The following SRSF11 variants were observed in gnomAD, a reference collection of about 807,000 sequenced individuals.
SRSF11 encodes serine/arginine-rich splicing factor 11.
SRSF11 carries 9 observed loss-of-function variants against 56.0 expected under a neutral mutation model. The ratio of observed to expected loss-of-function variants is 0.16; its 90% CI spans 0.10 to 0.28. The LOEUF is 0.28. Ranked by LOEUF, SRSF11 falls within the 10% of genes least tolerant of loss-of-function variation. The pLI is 1.00. For missense variants in SRSF11, 421 were observed against 600.7 expected (o/e 0.70, Z 3.13); for synonymous variants, 222 against 215.3 (o/e 1.03, Z -0.27).
At chr1:70,218,012 C>T (rs962864806), upstream of SRSF11, among the ~76,000 whole-genome samples, 3 of 151,704 alleles carry the variant, frequency 2.0e-5, no homozygotes, top group Non-Finnish European at 4.4e-5. Context: ...TTTTTTGAGA[C>T]GGAGTCTTGC....
chr1:70,210,743 GCT>G (rs1486240514), intron 1 of SRSF11, among the ~76,000 whole-genome samples: 2 of 151,950 alleles, frequency 1.3e-5, no homozygotes, highest in African/African-American at 4.8e-5. Flanking sequence ...ACCATGCCCA[GCT>G]CTCTCCACTT....
intron 4 of SRSF11, among the ~76,000 whole-genome samples, chr1:70,235,109 T>C (rs1673663374): frequency 6.6e-6 from 1 of 152,192 alleles, no homozygotes; most frequent in Non-Finnish European, 1.5e-5. Flanking sequence ...TTTTCTTTTA[T>C]TTTAATTTAG....
rs1677928109 is a variant in SRSF11 at position 70,251,393 on chromosome 1, GTTA to G, written c.*593_*595del. On this transcript the variant is annotated 3_prime_UTR_variant, in exon 12 of 12. Transcript: ENST00000370949. ...TGTGGCTTTTGTTTAACTTTGAAAG[GTTA>G]TTATGCACTAACCTTTTTTGGTGGC... 1 of 152,780 alleles carries G rather than the reference GTTA, an allele frequency of 6.5e-6. No individual in the cohort carries two copies. The highest frequency in any genetic ancestry group is 2.4e-5 in the African/African-American group (1 of 41,430). 9.5% of individuals were successfully genotyped at this position (152,780 alleles called of 1,614,324 possible).
intron 2 of SRSF11, chr1:70,230,877 T>A: frequency 8.5e-7 from 1 of 1,180,172 alleles, no homozygotes; most frequent in Non-Finnish European, 1.1e-6. Context: ...TGTAGGTTTG[T>A]TAATATTGAT....
At chr1:70,210,839 A>C (rs1669500859) in intron 1 of SRSF11, among the ~76,000 whole-genome samples, 1 of 151,986 alleles carries the variant, frequency 6.6e-6, no homozygotes, top group South Asian at 2.1e-4. Context: ...TGTTAGTTTT[A>C]TTTACTTGAA....
At chr1:70,207,942 C>T (rs1669206589) in intron 1 of SRSF11, among the ~76,000 whole-genome samples, 1 of 152,062 alleles carries the variant, frequency 6.6e-6, no homozygotes, top group Admixed American at 6.5e-5. Flanking sequence ...AACTCCTGGC[C>T]TCAAGCTATC....
At position 70,249,987 on chromosome 1, in the gene SRSF11, G is replaced by C; in HGVS notation, c.1058G>C (p.Arg353Thr). Residue 353 changes from arginine (R) to threonine (T), a missense_variant, in exon 10 of 12, where the codon AGA (arginine) becomes ACA (threonine). Physicochemically the swap from Arg to Thr is moderately conservative, Grantham distance 71. This residue lies in a region of SRSF11 where 253 missense variants were observed against 305.8 expected (regional missense o/e 0.83). Transcript: ENST00000370949. ...RRRRRSRSGT[R>T]SPKKPRSPKR... ...CGACGAAGAAGCAGGAGTGGCACAAGATCTCCTAAAAAGCCTCGGTCTCCT... is the reference window on the plus strand; with the variant it reads ...CGACGAAGAAGCAGGAGTGGCACAACATCTCCTAAAAAGCCTCGGTCTCCT... The C allele has an allele frequency of 6.2e-7, 1 of 1,614,110 alleles. No homozygotes were observed. Among genetic ancestry groups the C allele is most frequent in the Non-Finnish European group, 8.5e-7 (1 of 1,180,016 alleles).
At chr1:70,237,687 G>A in intron 6 of SRSF11, 135 bp downstream of exon 6, 1 of 1,237,724 alleles carries the variant, frequency 8.1e-7, no homozygotes, top group Non-Finnish European at 1.1e-6. Flanking sequence ...ATAGTGGAGT[G>A]CCACTCAGAC....
intron 8 of SRSF11, among the ~76,000 whole-genome samples, chr1:70,245,537 T>C (rs1293859977): frequency 3.3e-5 from 5 of 152,162 alleles, no homozygotes; most frequent in African/African-American, 1.2e-4. Flanking sequence ...TTAAGGACTT[T>C]CTGATTACTA....
chr1:70,237,483 A>G lies in SRSF11; in HGVS notation c.649A>G (p.Lys217Glu). The G allele has an allele frequency of 6.2e-7, 1 of 1,614,018 alleles. No individual in the cohort carries two copies. Among genetic ancestry groups the G allele is most frequent in the Non-Finnish European group, 8.5e-7 (1 of 1,179,930 alleles). ...SPSLKSDTSS[K>E]EIEEAMKRVR... ...AAGTCTGAAATCGGATACCTCTAGT[A>G]AAGAAATAGAGGAAGCTATGAAAAG... Residue 217 changes from lysine to glutamate, a missense_variant, in exon 6 of 12, where the codon AAA (lysine) becomes GAA (glutamate). By Grantham distance (56) the Lys-to-Glu change is moderately conservative. Around this residue, in one of 2 missense-constraint regions of SRSF11, gnomAD observed 168 missense variants for 294.9 expected, o/e 0.57. Transcript: ENST00000370949.
intron 7 of SRSF11, among the ~76,000 whole-genome samples, chr1:70,241,503 C>T (rs561719278): frequency 1.8e-4 from 28 of 152,252 alleles, no homozygotes; most frequent in African/African-American, 6.7e-4. Flanking sequence ...GTCACAGATA[C>T]TGAGAAGTTC....
chr1:70,249,936 A>C lies in SRSF11; in HGVS notation c.1023-16A>C. The C allele has an allele frequency of 6.2e-7, 1 of 1,613,410 alleles. No homozygotes were observed. The highest frequency in any genetic ancestry group is 8.5e-7 in the Non-Finnish European group (1 of 1,179,406). On this transcript the variant is annotated splice_polypyrimidine_tract_variant and intron_variant, in intron 9 of 11. Coordinates refer to ENST00000370949, the MANE Select transcript of SRSF11 (RefSeq NM_001350605.2). ...CACTGTATTTTAAAACCTAGTTTGC[A>C]CATTTGTGATTCTAGAGAGAGACGA...
intron 9 of SRSF11, 185 bp from the exon 10 acceptor site, chr1:70,249,767 C>T: frequency 1.8e-6 from 1 of 563,508 alleles, no homozygotes; most frequent in Non-Finnish European, 3.2e-6. Context: ...ACCATGTTGC[C>T]CAGGCTGGTC....
In SRSF11 at chr1:70,234,848, T is replaced by C. The variant is rs559798076; in HGVS notation, c.540+60T>C. On this transcript the variant is annotated intron_variant, in intron 4 of 11. Transcript: ENST00000370949. Reference sequence around the variant, plus strand: ...TTTACAGAAGATCTGTTTCATTAACTGTTGGTTTGCATTTCAAGAGCAGAA... The same window carrying C: ...TTTACAGAAGATCTGTTTCATTAACCGTTGGTTTGCATTTCAAGAGCAGAA... 241 of 1,400,016 alleles carry C rather than the reference T, an allele frequency of 1.7e-4. 1 individual carries two copies. The highest frequency in any genetic ancestry group is 1.3e-4 in the Admixed American group (6 of 46,784). 86.7% of individuals were successfully genotyped at this position (1,400,016 alleles called of 1,614,324 possible).
intron 1 of SRSF11, among the ~76,000 whole-genome samples, chr1:70,206,010 C>T (rs1256503373): frequency 6.6e-6 from 1 of 152,168 alleles, no homozygotes; most frequent in Non-Finnish European, 1.5e-5. Flanking sequence ...GTGGTGGTGG[C>T]GCCAGACCTC....
Position 70,243,336 on chromosome 1 carries a change from CAAAAAAAAAA to C in SRSF11, c.801-1320_801-1311del, listed in dbSNP as rs56098296. Among the ~76,000 whole-genome samples the C allele has an allele frequency of 7.9e-3, 256 of 32,536 alleles. 3 individuals are homozygous for C. Among genetic ancestry groups the C allele is most frequent in the African/African-American group, 0.019 (244 of 12,540 alleles). 21.3% of individuals were successfully genotyped at this position (32,536 alleles called of 152,430 possible). ...TTTTTAATCCACATTTGGTTGGTGGCAAAAAAAAAAAAAAAAAAAAAAAAAAAAAAAAAAA... is the reference window on the plus strand; with the variant it reads ...TTTTTAATCCACATTTGGTTGGTGGCAAAAAAAAAAAAAAAAAAAAAAAAA... On this transcript the variant is annotated intron_variant, in intron 7 of 11. Transcript: ENST00000370949.
rs753883500 is a variant in SRSF11, at chr1:70,232,406, T to TG, written c.447+33dup. 8 of 1,557,926 alleles carry TG rather than the reference T, an allele frequency of 5.1e-6. No individual in the cohort carries two copies. In the Admixed American group the frequency reaches 1.3e-4, roughly 26 times the overall value. On this transcript the variant is annotated intron_variant, in intron 3 of 11. Coordinates refer to ENST00000370949, the MANE Select transcript of SRSF11 (RefSeq NM_001350605.2). ...CTAGTTCTATTGAATTCTTAAAGGG[T>TG]GGGGAAAAAAACAGAATTGTGCATA...
At chr1:70,232,426 T>C in intron 3 of SRSF11, 49 bp downstream of exon 3, 1 of 1,419,068 alleles carries the variant, frequency 7.0e-7, no homozygotes, top group South Asian at 1.3e-5. Context: ...AACAGAATTG[T>C]GCATAAAGCT....
At chr1:70,250,539 G>T (rs548336723) in intron 11 of SRSF11, 36 bp downstream of exon 11, 3 of 1,607,868 alleles carry the variant, frequency 1.9e-6, no homozygotes, top group African/African-American at 2.7e-5. Context: ...TATATTTGGG[G>T]TGATGTTGGT....
Sources: allele counts gnomAD v4.1 joint callset (sites outside exome capture counted in the v4.1 genomes callset), GRCh38; gene constraint gnomAD v4.1.1; regional missense constraint gnomAD v4.1.1; transcripts MANE v1.5; gene names NCBI Gene and HGNC (gene_info 2026-07-23, HGNC 2026-07-21).